PAOX: variants seen among roughly 807,000 people sequenced by gnomAD.
PAOX encodes peroxisomal N(1)-acetyl-spermine/spermidine oxidase.
In PAOX, 38 loss-of-function variants were observed where a neutral mutation model predicts 39.0. That is an observed-to-expected ratio of 0.97 (90% CI 0.75 to 1.28). PAOX has a LOEUF of 1.28. PAOX is among the 50% of genes most tolerant of loss of function. The pLI, the probability that PAOX is intolerant of heterozygous loss-of-function variation, is 0.00. For missense variants in PAOX, 667 were observed against 685.7 expected, an observed-to-expected ratio of 0.97 and a Z score of 0.30; for synonymous variants, 311 against 314.4, an observed-to-expected ratio of 0.99 and a Z score of 0.11.
chr10:133,387,903 TAGAC>T (rs1374749349), intron 4 of PAOX, among the ~76,000 whole-genome samples: 8 of 152,124 alleles, frequency 5.3e-5, no homozygotes, highest in Non-Finnish European at 1.2e-4. Context: ...GTATTTTTAT[TAGAC>T]AGGGCTTTAC....
chr10:133,382,095 A>C (rs975731667), intron 3 of PAOX, among the ~76,000 whole-genome samples: 1 of 151,780 alleles, frequency 6.6e-6, no homozygotes, highest in Non-Finnish European at 1.5e-5. Flanking sequence ...CTGTTTTATA[A>C]AAGGTGGAGA....
rs945611910 is a variant in PAOX at position 133,391,679 on chromosome 10, G to T, written c.*224G>T. On this transcript the variant is annotated 3_prime_UTR_variant, in exon 7 of 7. Coordinates refer to ENST00000278060, the MANE Select transcript of PAOX (RefSeq NM_152911.4). ...CTCACGGAGATGCTGGACACATAAA[G>T]CAAGTTACAGCCACAGCTCCCAGAG... The T allele has an allele frequency of 1.7e-5, 11 of 656,920 alleles. No individual in the cohort carries two copies. The highest frequency in any genetic ancestry group is 1.3e-4 in the African/African-American group (7 of 54,440). 40.7% of individuals were successfully genotyped at this position (656,920 alleles called of 1,614,324 possible).
In PAOX at chr10:133,380,298, AAGG is replaced by A. The variant is rs753588744; in HGVS notation, c.484_486del (p.Glu162del). ...GCCCAGCGTCGGGGAGTACCTCAAG[AAGG>A]AGATTGGCCAGCACGTGGCCGGCTG... On this transcript the variant is annotated inframe_deletion, in exon 2 of 7. Coordinates refer to ENST00000278060, the MANE Select transcript of PAOX (RefSeq NM_152911.4). 2.0e-5 allele frequency: 32 copies of A among 1,612,730 alleles called. No individual in the cohort carries two copies. Among genetic ancestry groups the A allele is most frequent in the Non-Finnish European group, 2.4e-5 (28 of 1,180,018 alleles).
intron 6 of PAOX, chr10:133,390,977 T>TTCC: frequency 1.4e-6 from 1 of 702,376 alleles, no homozygotes; most frequent in Admixed American, 2.0e-5. Context: ...GTGAGCCGTC[T>TTCC]TCCCACCCGT....
chr10:133,387,309 T>C (rs571014819), intron 4 of PAOX, among the ~76,000 whole-genome samples: 63 of 152,272 alleles, frequency 4.1e-4, no homozygotes, highest in African/African-American at 1.5e-3. Flanking sequence ...TATTGGTTCA[T>C]GTAGTCTTCC....
rs1849310507 is a variant in PAOX at position 133,380,006 on chromosome 10, G to C, written c.189G>C (p.Val63=). 1 of 1,509,826 alleles carries C rather than the reference G, an allele frequency of 6.6e-7. No homozygotes were observed. The highest frequency in any genetic ancestry group is 1.3e-5 in the South Asian group (1 of 75,080). 93.5% of individuals were successfully genotyped at this position (1,509,826 alleles called of 1,614,324 possible). ...TCTGCTGTCCCCTCGCAGGTGGCGT[G>C]GTGGAGGTGGGCGCGCACTGGATCC... ...RIRSERCFGG[V]VEVGAHWIHG... Residue 63 remains valine, a synonymous_variant, in exon 2 of 7, where the codon GTG becomes GTC. Transcript: ENST00000278060.
intron 4 of PAOX, among the ~76,000 whole-genome samples, chr10:133,388,479 C>T (rs1849583327): frequency 6.6e-6 from 1 of 152,242 alleles, no homozygotes; most frequent in Non-Finnish European, 1.5e-5. Flanking sequence ...CTGCAAAAAG[C>T]AGCATTTTGT....
At chr10:133,388,122 TTTTA>T (rs1433281264) in intron 4 of PAOX, among the ~76,000 whole-genome samples, 7 of 152,136 alleles carry the variant, frequency 4.6e-5, no homozygotes, top group Non-Finnish European at 8.8e-5. Context: ...AAAGCAGCAT[TTTTA>T]TTTATTTTTT....
rs1459163539 is a variant in PAOX at position 133,379,440 on chromosome 10, C to T, written c.124C>T (p.Arg42Trp). 2.4e-6 allele frequency: 3 copies of T among 1,225,144 alleles called. No individual in the cohort carries two copies. The highest frequency in any genetic ancestry group is 8.2e-5 in the South Asian group (2 of 24,254). 75.9% of individuals were successfully genotyped at this position (1,225,144 alleles called of 1,614,324 possible). A position where few individuals can be genotyped will look rare whatever the true frequency, so the allele number is the denominator to read the frequency against. ...CGGCCACTCCGCCTTCCCGCACCTG[C>T]GGGTCCTGGAGGCCACGGCCCGCGC... ...LCGHSAFPHLRVLEATARAGG... is the reference protein window; with the variant it reads ...LCGHSAFPHLWVLEATARAGG... Residue 42 changes from arginine to tryptophan, a missense_variant, in exon 1 of 7, where the codon CGG becomes TGG. Coordinates refer to ENST00000278060, the MANE Select transcript of PAOX (RefSeq NM_152911.4).
Position 133,389,700 on chromosome 10 carries a change from C to G in PAOX, c.1345C>G (p.Leu449Val), listed in dbSNP as rs1175103729. 2 of 1,593,592 alleles carry G rather than the reference C, an allele frequency of 1.3e-6. No homozygotes were observed. The highest frequency in any genetic ancestry group is 1.7e-6 in the Non-Finnish European group (2 of 1,167,314). The change falls in exon 6 of 7, where the codon CTG (leucine) becomes GTG (valine). Residue 449 changes from leucine (L) to valine (V), a missense_variant. Leu to Val is a conservative substitution (Grantham distance 32). Transcript: ENST00000278060. The stretch of plus-strand genomic sequence containing the variant: ...GGCCGTGGGCAGTACTGGGGGCGAC[C>G]TGGACCTGCTGGCTCAGCCCCTCCC... ...YVAVGSTGGD[L>V]DLLAQPLPAD... is the part of the protein sequence containing the mutation.
intron 3 of PAOX, 118 bp from the exon 4 acceptor site, chr10:133,383,842 T>C: frequency 7.6e-7 from 1 of 1,320,236 alleles, no homozygotes; most frequent in Non-Finnish European, 1.0e-6. Context: ...ACTGCTTGTG[T>C]GAATGTGTCT....
intron 6 of PAOX, chr10:133,390,831 CACCCT>C: frequency 1.6e-5 from 8 of 501,728 alleles, no homozygotes; most frequent in Non-Finnish European, 1.8e-5. Context: ...ATCCCTCCCC[CACCCT>C]CCCCATATGT....
chr10:133,384,395 G>A lies in PAOX; in HGVS notation c.1121+183G>A, dbSNP rs970354759. 6.6e-6 allele frequency among the ~76,000 whole-genome samples: 1 copy of A among 152,190 alleles called. No individual in the cohort carries two copies. Among genetic ancestry groups the A allele is most frequent in the Admixed American group, 6.5e-5 (1 of 15,282 alleles). ...GGGCCTGACCCCTGCGGGGACAGAT[G>A]GCGCCCTGCTGTATGCGGGTTGTCA... On this transcript the variant is annotated intron_variant, in intron 4 of 6. Transcript: ENST00000278060. This position sits in a 1 kb window ranked among gnomAD's most constrained non-coding sequence, Gnocchi z 4.3.
intron 3 of PAOX, 70 bp from the exon 4 acceptor site, chr10:133,383,890 A>C (rs757143709): frequency 5.3e-5 from 81 of 1,521,786 alleles, no homozygotes; most frequent in South Asian, 5.1e-4. Flanking sequence ...GCTGGATCCA[A>C]GGTCTGGACA....
chr10:133,384,264 T>C lies in PAOX; in HGVS notation c.1121+52T>C, dbSNP rs773086490. The C allele has an allele frequency of 1.5e-5, 24 of 1,596,086 alleles. No homozygotes were observed. Among genetic ancestry groups the C allele is most frequent in the Non-Finnish European group, 1.9e-5 (22 of 1,169,670 alleles). On this transcript the variant is annotated intron_variant, in intron 4 of 6. Coordinates refer to ENST00000278060, the MANE Select transcript of PAOX (RefSeq NM_152911.4). This position sits in a 1 kb window ranked among gnomAD's most constrained non-coding sequence, Gnocchi z 4.3. ...CGAGTGGCTGGCTCATAGGCCTTCA[T>C]CTGATGGAGGACGCAGCAGTGTGTC...
intron 4 of PAOX, among the ~76,000 whole-genome samples, chr10:133,385,683 A>C (rs919786173): frequency 1.3e-5 from 2 of 152,116 alleles, no homozygotes; most frequent in Admixed American, 1.3e-4. Flanking sequence ...TCCTGGGTTC[A>C]CGCCATTCTC....
chr10:133,385,881 TCAC>T (rs1219409974), intron 4 of PAOX, among the ~76,000 whole-genome samples: 1 of 151,808 alleles, frequency 6.6e-6, no homozygotes, highest in Non-Finnish European at 1.5e-5. Context: ...CCGCACCCAG[TCAC>T]CACATGATAA....
rs1028811922 is a variant in PAOX, at chr10:133,389,078, C to A, written c.1234+10C>A. On this transcript the variant is annotated intron_variant, in intron 5 of 6. Coordinates refer to ENST00000278060, the MANE Select transcript of PAOX (RefSeq NM_152911.4). ...CTCCGGAGAGTGACAGGTAGGTACT[C>A]ACCACACACGCTGGTTCCTGCCTCT... is the stretch of plus-strand genomic sequence containing the variant. 9 of 1,582,658 alleles carry A rather than the reference C, an allele frequency of 5.7e-6. No individual in the cohort carries two copies. The highest frequency in any genetic ancestry group is 7.8e-6 in the Non-Finnish European group (9 of 1,151,394).
At chr10:133,391,231 G>A (rs1208321075) in intron 6 of PAOX, 81 bp from the exon 7 acceptor site, 1 of 1,415,750 alleles carries the variant, frequency 7.1e-7, no homozygotes, top group African/African-American at 1.4e-5. Context: ...GTGGATGCTT[G>A]TGAGCCATTT....
Sources: allele counts gnomAD v4.1 joint callset (sites outside exome capture counted in the v4.1 genomes callset), GRCh38; gene constraint gnomAD v4.1.1; non-coding constraint Gnocchi (gnomAD v3.1); transcripts MANE v1.5; gene names NCBI Gene and HGNC (gene_info 2026-07-23, HGNC 2026-07-21).